Variants in PCDHB1 observed in about 807,000 individuals in gnomAD.
PCDHB1 encodes the protein protocadherin beta 1, also known as protocadherin beta-1.
A neutral mutation model predicts 43.5 loss-of-function variants in PCDHB1; 44 were observed. That is an observed-to-expected ratio of 1.01 (90% CI 0.79 to 1.30). The LOEUF (loss-of-function observed/expected upper bound fraction) is 1.30. Among genes scored for constraint, PCDHB1 ranks in the 50% most tolerant of loss-of-function variants. PCDHB1 has a pLI of 0.00. For synonymous variants in PCDHB1, 392 were observed against 400.8 expected, an observed-to-expected ratio of 0.98 and a Z score of 0.26; for missense variants, 919 against 1,008.9, an observed-to-expected ratio of 0.91 and a Z score of 1.21.
Position 141,052,625 on chromosome 5 carries a change from C to T in PCDHB1, c.1155C>T (p.Phe385=). The change falls in exon 1 of 1, where the codon TTC becomes TTT. Residue 385 remains phenylalanine, a synonymous_variant. Coordinates refer to ENST00000306549, the MANE Select transcript of PCDHB1 (RefSeq NM_013340.4). ...DIRVGGKVTC[F]LREDLPFVIK... The stretch of plus-strand genomic sequence containing the variant: ...GAGTGGGAGGAAAAGTCACCTGCTT[C>T]CTCAGAGAAGACCTTCCCTTTGTAA... 1 of 1,614,156 alleles carries T rather than the reference C, an allele frequency of 6.2e-7. No homozygotes were observed. The highest frequency in any genetic ancestry group is 8.5e-7 in the Non-Finnish European group (1 of 1,180,016).
chr5:141,053,629 A>G lies in PCDHB1; in HGVS notation c.2159A>G (p.Tyr720Cys), dbSNP rs1554267491. Residue 720 changes from tyrosine (Y) to cysteine (C), a missense_variant, in exon 1 of 1, where the codon TAT (tyrosine) becomes TGT (cysteine). Tyr to Cys is a radical substitution (Grantham distance 194, BLOSUM62 -2). Coordinates refer to ENST00000306549, the MANE Select transcript of PCDHB1 (RefSeq NM_013340.4). ...FIIHVYQKIK[Y>C]REKFTIQEHF... The stretch of plus-strand genomic sequence containing the variant: ...ATACATGTCTACCAAAAGATTAAAT[A>G]TAGAGAAAAGTTCACAATTCAAGAG... 1.2e-6 allele frequency: 2 copies of G among 1,614,068 alleles called. No individual in the cohort carries two copies. The highest frequency in any genetic ancestry group is 8.5e-7 in the Non-Finnish European group (1 of 1,179,906).
Position 141,051,541 on chromosome 5 carries a change from C to G in PCDHB1, c.71C>G (p.Ser24Cys). 1.2e-6 allele frequency: 2 copies of G among 1,614,232 alleles called. No homozygotes were observed. The highest frequency in any genetic ancestry group is 1.7e-6 in the Non-Finnish European group (2 of 1,180,032). Residue 24 changes from serine (S) to cysteine (C), a missense_variant, in exon 1 of 1, where the codon TCT becomes TGT. Physicochemically the swap from Ser to Cys is moderately radical, Grantham distance 112. Transcript: ENST00000306549. The part of the protein sequence containing the change: ...VGSLLIFLCI[S>C]VGDATTIRYS... ...TCTCTTCTCATTTTTCTGTGCATAT[C>G]TGTGGGGGATGCGACAACTATCCGC...
Position 141,053,837 on chromosome 5 carries a change from G to T in PCDHB1, c.2367G>T (p.Met789Ile). Residue 789 changes from methionine (M) to isoleucine (I), a missense_variant, in exon 1 of 1, where the codon ATG becomes ATT. By Grantham distance (10) the Met-to-Ile change is conservative (BLOSUM62 1). Transcript: ENST00000306549. The stretch of plus-strand genomic sequence containing the variant: ...CTCATGCCACTGGGGAGATAAAAAT[G>T]GAGGCTGGCTCCAGTTTGCCCCCAA... Reference protein sequence around the residue: ...PFPHATGEIKMEAGSSLPPNS... With the variant: ...PFPHATGEIKIEAGSSLPPNS... 1 of 1,614,120 alleles carries T rather than the reference G, an allele frequency of 6.2e-7. No homozygotes were observed.
Position 141,052,605 on chromosome 5 carries a change from G to A in PCDHB1, c.1135G>A (p.Gly379Arg). Reference sequence around the variant, plus strand: ...TATCAGAGACCGGGACATTCGAGTGGGAGGAAAAGTCACCTGCTTCCTCAG... The same window carrying A: ...TATCAGAGACCGGGACATTCGAGTGAGAGGAAAAGTCACCTGCTTCCTCAG... ...FTIRDRDIRVGGKVTCFLRED... is the reference protein window; with the variant it reads ...FTIRDRDIRVRGKVTCFLRED... Residue 379 changes from glycine to arginine, a missense_variant, in exon 1 of 1, where the codon GGA (glycine) becomes AGA (arginine). Physicochemically the swap from Gly to Arg is moderately radical, Grantham distance 125. Transcript: ENST00000306549. The A allele has an allele frequency of 6.2e-7, 1 of 1,614,082 alleles. No homozygotes were observed. The highest frequency in any genetic ancestry group is 8.5e-7 in the Non-Finnish European group (1 of 1,180,010).
chr5:141,053,569 TTC>T lies in PCDHB1; in HGVS notation c.2103_2104del (p.Phe702SerfsTer17). The T allele has an allele frequency of 5.6e-6, 9 of 1,614,044 alleles. No individual in the cohort carries two copies. Among genetic ancestry groups the T allele is most frequent in the Non-Finnish European group, 7.6e-6 (9 of 1,179,918 alleles). ...GTCATTTCTCTGGTCATCCTTTCCT[TTC>T]TCTTTCTCCTCTCTGTCATAGTGAT... On this transcript the variant is annotated frameshift_variant, in exon 1 of 1. Transcript: ENST00000306549. LOFTEE classifies it high-confidence loss of function.
Position 141,055,203 on chromosome 5 carries a change from C to T in PCDHB1, c.*1276C>T, listed in dbSNP as rs1751108187. 6.6e-6 allele frequency: 1 copy of T among 152,194 alleles called. No homozygotes were observed. Among genetic ancestry groups the T allele is most frequent in the Non-Finnish European group, 1.5e-5 (1 of 68,106 alleles). The allele number at this position is 152,194 out of a possible 1,614,324, so 9.4% of individuals were successfully genotyped here. A position where few individuals can be genotyped will look rare whatever the true frequency, so the allele number is the denominator to read the frequency against. ...CTCTGGGAGACGGAGGGAGGCAGAT[C>T]ACCTGAGGTCAGGAGTTCGAGATCA... is the stretch of plus-strand genomic sequence containing the variant. On this transcript the variant is annotated 3_prime_UTR_variant, in exon 1 of 1. Transcript: ENST00000306549.
At position 141,053,589 on chromosome 5, in the gene PCDHB1, A is replaced by G; in HGVS notation, c.2119A>G (p.Ile707Val). Reference protein sequence around the residue: ...ILSFLFLLSVIVIFIIHVYQK... With the variant: ...ILSFLFLLSVVVIFIIHVYQK... Reference sequence around the variant, plus strand: ...TTCCTTTCTCTTTCTCCTCTCTGTCATAGTGATCTTCATTATACATGTCTA... The same window carrying G: ...TTCCTTTCTCTTTCTCCTCTCTGTCGTAGTGATCTTCATTATACATGTCTA... Residue 707 changes from isoleucine (I) to valine (V), a missense_variant, in exon 1 of 1, where the codon ATA becomes GTA. By Grantham distance (29) the Ile-to-Val change is conservative. Transcript: ENST00000306549. The G allele has an allele frequency of 1.2e-6, 2 of 1,613,914 alleles. No individual in the cohort carries two copies. The highest frequency in any genetic ancestry group is 1.7e-6 in the Non-Finnish European group (2 of 1,179,758).
In PCDHB1 at chr5:141,052,830, G is replaced by T; in HGVS notation, c.1360G>T (p.Glu454Ter). The change falls in exon 1 of 1, where the codon GAA becomes TAA. Residue 454 changes from glutamate (E) to a stop codon, truncating the protein, a stop_gained. Transcript: ENST00000306549. LOFTEE classifies it high-confidence loss of function. ...TAATGACAATCCTCCAATATTTCGG[G>T]AAGATTCCTATATCTTGACTGTTCG... ...DVNDNPPIFREDSYILTVREN... is the reference protein window; with the variant it reads ...DVNDNPPIFR 1.2e-6 allele frequency: 2 copies of T among 1,614,130 alleles called. No individual in the cohort carries two copies. The highest frequency in any genetic ancestry group is 1.7e-6 in the Non-Finnish European group (2 of 1,180,026).
rs1051675194 is a variant in PCDHB1, at chr5:141,059,158, A to G, written c.*5231A>G. On this transcript the variant is annotated 3_prime_UTR_variant, in exon 1 of 1. Coordinates refer to ENST00000306549, the MANE Select transcript of PCDHB1 (RefSeq NM_013340.4). The stretch of plus-strand genomic sequence containing the variant: ...TTTTAAATTAGTCATACATTTTAAA[A>G]TAGATATAAACTGAAAATTTTAAAA... 5 of 152,164 alleles carry G rather than the reference A, an allele frequency of 3.3e-5. No individual in the cohort carries two copies. The highest frequency in any genetic ancestry group is 7.4e-5 in the Non-Finnish European group (5 of 67,990). 9.4% of individuals were successfully genotyped at this position (152,164 alleles called of 1,614,324 possible).
At position 141,055,327 on chromosome 5, in the gene PCDHB1, G is replaced by T. The variant is rs79698725; in HGVS notation, c.*1400G>T. On this transcript the variant is annotated 3_prime_UTR_variant, in exon 1 of 1. Transcript: ENST00000306549. ...TAATCCCAGGTACTCAAGAGGCTGA[G>T]GCTGGAGAATCGCTTGAACCTGGGA... 16,647 of 152,552 alleles carry T rather than the reference G, an allele frequency of 0.11. 1,123 individuals carry two copies. The highest frequency in any genetic ancestry group is 0.19 in the African/African-American group (7,887 of 41,494). The allele number at this position is 152,552 out of a possible 1,614,324, so 9.4% of individuals were successfully genotyped here.
rs781912955 is a variant in PCDHB1 at position 141,053,229 on chromosome 5, G to A, written c.1759G>A (p.Val587Met). ...CAGGTCTGCAGAGGCAGGCTACCTA[G>A]TGACCAAAGTGGTGGCTGTGGATGG... ...VPRSAEAGYLVTKVVAVDGDS... is the reference protein window; with the variant it reads ...VPRSAEAGYLMTKVVAVDGDS... Residue 587 changes from valine to methionine, a missense_variant, in exon 1 of 1, where the codon GTG becomes ATG. By Grantham distance (21) the Val-to-Met change is conservative. Coordinates refer to ENST00000306549, the MANE Select transcript of PCDHB1 (RefSeq NM_013340.4). 1.1e-5 allele frequency: 18 copies of A among 1,614,098 alleles called. No homozygotes were observed. In the Admixed American group the frequency reaches 2.8e-4, roughly 25 times the overall value.
At position 141,054,659 on chromosome 5, in the gene PCDHB1, C is replaced by T. The variant is rs1272937823; in HGVS notation, c.*732C>T. 7.0e-6 allele frequency: 1 copy of T among 142,820 alleles called. No homozygotes were observed. Among genetic ancestry groups the T allele is most frequent in the Non-Finnish European group, 1.5e-5 (1 of 65,874 alleles). The allele number at this position is 142,820 out of a possible 1,614,324, so 8.8% of individuals were successfully genotyped here. On this transcript the variant is annotated 3_prime_UTR_variant, in exon 1 of 1. Transcript: ENST00000306549. ...TAAAGAGATTCAGTTTAGGAATGTT[C>T]TCCAAAATTAAATTAGATGTAGTTG...
chr5:141,053,699 A>C lies in PCDHB1; in HGVS notation c.2229A>C (p.Gly743=). 1 of 1,614,178 alleles carries C rather than the reference A, an allele frequency of 6.2e-7. No homozygotes were observed. Reference sequence around the variant, plus strand: ...ATTTCTCTAACAACCTGGTACAAGGACAAGGCAATGGATCCTTATCTCGGC... The same window carrying C: ...ATTTCTCTAACAACCTGGTACAAGGCCAAGGCAATGGATCCTTATCTCGGC... ...DCNFSNNLVQ[G]QGNGSLSRPC... The change falls in exon 1 of 1, where the codon GGA becomes GGC. Residue 743 remains glycine (G), a synonymous_variant. Coordinates refer to ENST00000306549, the MANE Select transcript of PCDHB1 (RefSeq NM_013340.4).
In PCDHB1 at chr5:141,052,374, C is replaced by T. The variant is rs868950000; in HGVS notation, c.904C>T (p.Arg302Ter). 1.2e-6 allele frequency: 2 copies of T among 1,614,178 alleles called. No individual in the cohort carries two copies. Among genetic ancestry groups the T allele is most frequent in the East Asian group, 2.2e-5 (1 of 44,878 alleles). The change falls in exon 1 of 1, where the codon CGA (arginine) becomes TGA (stop). Residue 302 changes from arginine (R) to a stop codon, truncating the protein, a stop_gained. Coordinates refer to ENST00000306549, the MANE Select transcript of PCDHB1 (RefSeq NM_013340.4). LOFTEE classifies it high-confidence loss of function. ...GATTGACCCTCAAAATGGAGAAGTTCGACTAAGAGGACCCCTCGATTTTGA... is the reference window on the plus strand; with the variant it reads ...GATTGACCCTCAAAATGGAGAAGTTTGACTAAGAGGACCCCTCGATTTTGA... ...FQIDPQNGEV[R>*]LRGPLDFEAI...
rs1286307189 is a variant in PCDHB1 at position 141,055,592 on chromosome 5, A to G, written c.*1665A>G. 6.6e-6 allele frequency: 1 copy of G among 152,262 alleles called. No homozygotes were observed. Among genetic ancestry groups the G allele is most frequent in the Non-Finnish European group, 1.5e-5 (1 of 68,044 alleles). 9.4% of individuals were successfully genotyped at this position (152,262 alleles called of 1,614,324 possible). A position where few individuals can be genotyped will look rare whatever the true frequency, so the allele number is the denominator to read the frequency against. ...TATAAAATAAAAAGACATTAAAATTAAAAAGTTCATTAATACTAATTAAGT... is the reference window on the plus strand; with the variant it reads ...TATAAAATAAAAAGACATTAAAATTGAAAAGTTCATTAATACTAATTAAGT... On this transcript the variant is annotated 3_prime_UTR_variant, in exon 1 of 1. Coordinates refer to ENST00000306549, the MANE Select transcript of PCDHB1 (RefSeq NM_013340.4).
Position 141,056,544 on chromosome 5 carries a change from T to C in PCDHB1, c.*2617T>C, listed in dbSNP as rs1751136811. 2 of 152,208 alleles carry C rather than the reference T, an allele frequency of 1.3e-5. No individual in the cohort carries two copies. Among genetic ancestry groups the C allele is most frequent in the African/African-American group, 2.4e-5 (1 of 41,444 alleles). The allele number at this position is 152,208 out of a possible 1,614,324, so 9.4% of individuals were successfully genotyped here. On this transcript the variant is annotated 3_prime_UTR_variant, in exon 1 of 1. Coordinates refer to ENST00000306549, the MANE Select transcript of PCDHB1 (RefSeq NM_013340.4). Reference sequence around the variant, plus strand: ...GTGTTCCAGTGTATTTGTGTTCCAATTGGTGAAGGCATGCTGAAATTTCTA... The same window carrying C: ...GTGTTCCAGTGTATTTGTGTTCCAACTGGTGAAGGCATGCTGAAATTTCTA...
At position 141,051,835 on chromosome 5, in the gene PCDHB1, G is replaced by A. The variant is rs1554267101; in HGVS notation, c.365G>A (p.Arg122Lys). 2 of 1,614,202 alleles carry A rather than the reference G, an allele frequency of 1.2e-6. No individual in the cohort carries two copies. Among genetic ancestry groups the A allele is most frequent in the African/African-American group, 2.7e-5 (2 of 75,064 alleles). ...CTGCAGTCCTTCCGGGCCGAGGTCA[G>A]GGTATTTGATATCAATGACAATGCC... is the stretch of plus-strand genomic sequence containing the variant. ...EPLQSFRAEV[R>K]VFDINDNAPV... Residue 122 changes from arginine to lysine, a missense_variant, in exon 1 of 1, where the codon AGG becomes AAG. Arg to Lys is a conservative substitution (Grantham distance 26). Transcript: ENST00000306549.
In PCDHB1 at chr5:141,052,764, T is replaced by C; in HGVS notation, c.1294T>C (p.Leu432=). 1 of 1,614,188 alleles carries C rather than the reference T, an allele frequency of 6.2e-7. No individual in the cohort carries two copies. Among genetic ancestry groups the C allele is most frequent in the Non-Finnish European group, 8.5e-7 (1 of 1,180,032 alleles). ...TGCCATGGATACTGGACCACCTAGCTTGTCTGCCGAGACTATGATAGAGGT... is the reference window on the plus strand; with the variant it reads ...TGCCATGGATACTGGACCACCTAGCCTGTCTGCCGAGACTATGATAGAGGT... ...IVAMDTGPPS[L]SAETMIEVLI... The change falls in exon 1 of 1, where the codon TTG becomes CTG. Residue 432 remains leucine (L), a synonymous_variant. Transcript: ENST00000306549.
rs1751125387 is a variant in PCDHB1, at chr5:141,055,984, A to C, written c.*2057A>C. 1 of 152,142 alleles carries C rather than the reference A, an allele frequency of 6.6e-6. No homozygotes were observed. Among genetic ancestry groups the C allele is most frequent in the South Asian group, 2.1e-4 (1 of 4,830 alleles). The allele number at this position is 152,142 out of a possible 1,614,324, so 9.4% of individuals were successfully genotyped here. A position where few individuals can be genotyped will look rare whatever the true frequency, so the allele number is the denominator to read the frequency against. On this transcript the variant is annotated 3_prime_UTR_variant, in exon 1 of 1. Transcript: ENST00000306549. ...GGAGTCTGAAGGAGGAGGATTGCTCAAGCCCAGGAGTTCAGGGGTGCAGTA... is the reference window on the plus strand; with the variant it reads ...GGAGTCTGAAGGAGGAGGATTGCTCCAGCCCAGGAGTTCAGGGGTGCAGTA...
Sources: gnomAD v4.1 joint callset for allele counts on GRCh38, gnomAD v4.1.1 for gene constraint, MANE v1.5 for transcripts, NCBI Gene and HGNC (gene_info 2026-07-23, HGNC 2026-07-21) for gene names.